The following PMS1 variants were observed in gnomAD, a reference collection of about 807,000 sequenced individuals.
PMS1 encodes the protein PMS1 homolog 1, mismatch repair system component.
A neutral mutation model predicts 93.1 loss-of-function variants in PMS1; 79 were observed. The ratio of observed to expected loss-of-function variants is 0.85; its 90% CI spans 0.71 to 1.02. The LOEUF is 1.02. PMS1 is among the 50% of genes least tolerant of loss of function. PMS1 has a pLI of 0.00. For missense variants in PMS1, 1,064 were observed against 1,085.3 expected, an observed-to-expected ratio of 0.98 and a Z score of 0.28; for synonymous variants, 335 against 363.4, an observed-to-expected ratio of 0.92 and a Z score of 0.89.
intron 5 of PMS1, among the ~76,000 whole-genome samples, chr2:189,820,499 C>T (rs2051747475): frequency 6.6e-6 from 1 of 151,934 alleles, no homozygotes; most frequent in Admixed American, 6.6e-5. Context: ...TGGGGGGTCT[C>T]CCTATGTTGC....
intron 9 of PMS1, among the ~76,000 whole-genome samples, chr2:189,855,639 A>G (rs1225503170): frequency 2.6e-5 from 4 of 152,070 alleles, no homozygotes; most frequent in African/African-American, 7.2e-5. Flanking sequence ...TACTGTTTCT[A>G]TTCAGTATAA....
In PMS1 at chr2:189,854,537, G is replaced by A. The variant is rs2106461695; in HGVS notation, c.1265G>A (p.Ser422Asn). 6.2e-7 allele frequency: 1 copy of A among 1,613,426 alleles called. No homozygotes were observed. Among genetic ancestry groups the A allele is most frequent in the Non-Finnish European group, 8.5e-7 (1 of 1,179,586 alleles). ...GGTGACTTTGGTTATGGTCATTGTAGTAGTGAAATTTCTAACATTGATAAA... is the reference window on the plus strand; with the variant it reads ...GGTGACTTTGGTTATGGTCATTGTAATAGTGAAATTTCTAACATTGATAAA... ...SIGDFGYGHC[S>N]SEISNIDKNT... Residue 422 changes from serine (S) to asparagine (N), a missense_variant, in exon 9 of 13, where the codon AGT becomes AAT. Coordinates refer to ENST00000441310, the MANE Select transcript of PMS1 (RefSeq NM_000534.5).
chr2:189,865,126 C>T (rs1468251403), intron 10 of PMS1, among the ~76,000 whole-genome samples: 3 of 152,006 alleles, frequency 2.0e-5, no homozygotes, highest in Non-Finnish European at 2.9e-5. Flanking sequence ...ATACCTTTTT[C>T]ATACCTTAAA....
chr2:189,785,929 A>G (rs1226241853), intron 1 of PMS1, among the ~76,000 whole-genome samples: 1 of 152,164 alleles, frequency 6.6e-6, no homozygotes, highest in Non-Finnish European at 1.5e-5. Flanking sequence ...GTTCGAGACC[A>G]GCCTGGCCAA....
At chr2:189,824,215 C>G (rs2052223571) in intron 5 of PMS1, among the ~76,000 whole-genome samples, 1 of 151,998 alleles carries the variant, frequency 6.6e-6, no homozygotes, top group Non-Finnish European at 1.5e-5. Flanking sequence ...AGCCTCCCTT[C>G]TGAGTAACAG....
At chr2:189,788,108 G>A (rs1271910612) in intron 1 of PMS1, among the ~76,000 whole-genome samples, 2 of 152,132 alleles carry the variant, frequency 1.3e-5, no homozygotes, top group African/African-American at 4.8e-5. Context: ...AGGTATTATA[G>A]GAAACGAGAC....
At chr2:189,820,662 A>G (rs947548864) in intron 5 of PMS1, among the ~76,000 whole-genome samples, 3 of 151,852 alleles carry the variant, frequency 2.0e-5, no homozygotes, top group Admixed American at 6.6e-5. Flanking sequence ...GTTTTTTCCC[A>G]TGTTTCAGAA....
intron 6 of PMS1, among the ~76,000 whole-genome samples, chr2:189,845,422 A>G (rs2106420815): frequency 6.6e-6 from 1 of 152,264 alleles, no homozygotes; most frequent in Admixed American, 6.5e-5. Flanking sequence ...TCTTTGCTTA[A>G]TAAATGGACT....
chr2:189,841,846 A>C (rs945826689), intron 5 of PMS1, among the ~76,000 whole-genome samples: 2 of 184 alleles, frequency 0.011, no homozygotes, highest in African/African-American at 0.033. Flanking sequence ...CTCCATAATC[A>C]TCAAATATTT....
intron 5 of PMS1, among the ~76,000 whole-genome samples, chr2:189,843,325 T>C (rs1041490917): frequency 2.6e-5 from 4 of 152,168 alleles, no homozygotes; most frequent in African/African-American, 9.7e-5. Flanking sequence ...ACCTATTGTT[T>C]CTCTCTCATC....
chr2:189,857,998 A>G (rs570616655), intron 9 of PMS1, among the ~76,000 whole-genome samples: 1 of 152,210 alleles, frequency 6.6e-6, no homozygotes, highest in Non-Finnish European at 1.5e-5. Flanking sequence ...AATATGAGGG[A>G]GTATGTGTAA....
rs906089582 is a variant in PMS1, at chr2:189,849,562, G to C, written c.700-3093G>C. Among the ~76,000 whole-genome samples, 5 of 152,056 alleles carry C rather than the reference G, an allele frequency of 3.3e-5. No homozygotes were observed. The South Asian group carries it at 1.0e-3, about 32-fold the overall frequency. On this transcript the variant is annotated intron_variant, in intron 6 of 12. Transcript: ENST00000441310. The stretch of plus-strand genomic sequence containing the variant: ...TTGAGACAAAATTATCTAATTCTCT[G>C]ATATTTCATATGCTTTGAAAATTTA...
rs56144843 is a variant in PMS1 at position 189,852,681 on chromosome 2, G to A, written c.726G>A (p.Lys242=). 223 of 1,602,578 alleles carry A rather than the reference G, an allele frequency of 1.4e-4. No individual in the cohort carries two copies. The East Asian group carries it at 4.8e-3, about 35-fold the overall frequency. ...SQIYLSGFLP[K]CDADHSFTSL... is the part of the protein sequence containing the mutation. ...TTTATCTCAGTGGATTTCTTCCAAAGTGTGATGCAGACCACTCTTTCACTA... is the reference window on the plus strand; with the variant it reads ...TTTATCTCAGTGGATTTCTTCCAAAATGTGATGCAGACCACTCTTTCACTA... Residue 242 remains lysine (K), a synonymous_variant, in exon 7 of 13, where the codon AAG becomes AAA. Coordinates refer to ENST00000441310, the MANE Select transcript of PMS1 (RefSeq NM_000534.5).
chr2:189,868,882 A>G (rs1269010661), intron 11 of PMS1, among the ~76,000 whole-genome samples: 1 of 152,158 alleles, frequency 6.6e-6, no homozygotes, highest in Non-Finnish European at 1.5e-5. Context: ...TCCAAATCCC[A>G]GCACTGCCAT....
At chr2:189,822,041 G>T (rs918404692) in intron 5 of PMS1, among the ~76,000 whole-genome samples, 2 of 152,140 alleles carry the variant, frequency 1.3e-5, no homozygotes, top group African/African-American at 4.8e-5. Context: ...CTCCGGGCGG[G>T]GCGGGTGGCG....
At chr2:189,798,484 C>G (rs2049556684) in intron 3 of PMS1, among the ~76,000 whole-genome samples, 1 of 152,154 alleles carries the variant, frequency 6.6e-6, no homozygotes, top group African/African-American at 2.4e-5. Flanking sequence ...GTGTACTTCT[C>G]TATTTTCCTC....
intron 12 of PMS1, among the ~76,000 whole-genome samples, chr2:189,876,770 CTTTTTTTTTTTT>C (rs150660131): frequency 1.7e-5 from 2 of 117,904 alleles, no homozygotes; most frequent in Non-Finnish European, 3.4e-5. Flanking sequence ...ACCGTGCCCA[CTTTTTTTTTTTT>C]TTTTTTTTTT....
In PMS1 at chr2:189,863,632, T is replaced by G. The variant is rs1559321232; in HGVS notation, c.1857-111T>G. 6 of 786,422 alleles carry G rather than the reference T, an allele frequency of 7.6e-6. No individual in the cohort carries two copies. In the East Asian group the frequency reaches 1.6e-4, roughly 21 times the overall value. The allele number at this position is 786,422 out of a possible 1,614,324, so 48.7% of individuals were successfully genotyped here. A position where few individuals can be genotyped will look rare whatever the true frequency, so the allele number is the denominator to read the frequency against. On this transcript the variant is annotated intron_variant, in intron 9 of 12. Transcript: ENST00000441310. ...AGAGTTAGTCTAATACATGTTCCTTTGTCATTACTATATCTGGAACACCAG... is the reference window on the plus strand; with the variant it reads ...AGAGTTAGTCTAATACATGTTCCTTGGTCATTACTATATCTGGAACACCAG...
chr2:189,803,238 A>G (rs1381669117), intron 3 of PMS1, among the ~76,000 whole-genome samples: 8 of 152,208 alleles, frequency 5.3e-5, no homozygotes, highest in Non-Finnish European at 1.0e-4. Flanking sequence ...TACCTGAATT[A>G]TCAGGATATA....
Sources: gnomAD v4.1 joint callset for allele counts (sites outside exome capture counted in the v4.1 genomes callset) on GRCh38, gnomAD v4.1.1 for gene constraint, MANE v1.5 for transcripts, NCBI Gene and HGNC (gene_info 2026-07-23, HGNC 2026-07-21) for gene names.